AK1: variants seen among roughly 807,000 people sequenced by gnomAD.
AK1 encodes the protein adenylate kinase 1.
A neutral mutation model predicts 23.9 loss-of-function variants in AK1; 13 were observed. That is an observed-to-expected ratio of 0.54 (90% confidence interval 0.35 to 0.86). The LOEUF (loss-of-function observed/expected upper bound fraction) is 0.86. Among genes scored for constraint, AK1 ranks in the 40% least tolerant of loss-of-function variants. The pLI is 0.01. For missense variants in AK1, 214 were observed against 255.1 expected (o/e 0.84, Z 1.10); for synonymous variants, 97 against 102.8 (o/e 0.94, Z 0.34).
intron 5 of AK1, among the ~76,000 whole-genome samples, chr9:127,870,200 CTTTT>C (rs36059128): frequency 8.2e-6 from 1 of 122,298 alleles, no homozygotes; most frequent in African/African-American, 3.2e-5. Context: ...AGGGTGGGGA[CTTTT>C]TTTTTTTTTT....
intron 2 of AK1, chr9:127,873,517 C>T (rs1267469026): frequency 6.9e-7 from 1 of 1,444,128 alleles, no homozygotes; most frequent in Non-Finnish European, 9.1e-7. Context: ...GGCCCATCAC[C>T]CGCCTCCCCC....
At chr9:127,872,925 C>T in intron 3 of AK1, 72 bp from the exon 4 acceptor site, 4 of 1,612,946 alleles carry the variant, frequency 2.5e-6, no homozygotes, top group Non-Finnish European at 3.4e-6. Flanking sequence ...CCAGGGTCTC[C>T]CAGAGAGGGA....
Position 127,868,734 on chromosome 9 carries a change from T to C in AK1, c.325-222A>G, listed in dbSNP as rs1829310606. Among the ~76,000 whole-genome samples the C allele has an allele frequency of 6.6e-6, 1 of 152,164 alleles. No homozygotes were observed. The highest frequency in any genetic ancestry group is 1.5e-5 in the Non-Finnish European group (1 of 68,018). The stretch of plus-strand genomic sequence containing the variant: ...GCCCTCAGGAGAAAGTCCACACTAC[T>C]TGCCAGACTGAGAGAGCCTGACTCT... On this transcript the variant is annotated intron_variant, in intron 5 of 6. Transcript: ENST00000644144. The surrounding 1 kb of genome is among the most constrained non-coding windows in gnomAD (Gnocchi z 4.1).
chr9:127,874,060 A>AGCAGCT (rs1332377868), intron 2 of AK1: 21 of 985,338 alleles, frequency 2.1e-5, no homozygotes, highest in Non-Finnish European at 2.5e-5. Context: ...CAGCAGCAGC[A>AGCAGCT]GCAGGCCCGC....
chr9:127,873,874 TC>T (rs1397192211), intron 2 of AK1: 1 of 985,248 alleles, frequency 1.0e-6, no homozygotes, highest in Non-Finnish European at 1.2e-6. Flanking sequence ...TCTCTGGTTC[TC>T]TGCCCCTTCC....
rs959919544 is a variant in AK1, at chr9:127,871,468, C to T, written c.324+355G>A. Among the ~76,000 whole-genome samples the T allele has an allele frequency of 6.6e-6, 1 of 151,504 alleles. No individual in the cohort carries two copies. The highest frequency in any genetic ancestry group is 2.5e-5 in the African/African-American group (1 of 40,782). ...GGCCCACACTGGAAGGGCACATCCT[C>T]TCCAGTCCCCACACTGTCCCTTAAG... On this transcript the variant is annotated intron_variant, in intron 5 of 6. Coordinates refer to ENST00000644144, the MANE Select transcript of AK1 (RefSeq NM_000476.3). The surrounding 1 kb of genome is among the most constrained non-coding windows in gnomAD (Gnocchi z 4.4).
intron 2 of AK1, chr9:127,874,391 AG>A (rs1829490222): frequency 1.0e-6 from 1 of 985,246 alleles, no homozygotes. Flanking sequence ...TGGGGCCCTC[AG>A]GAGCCTTGGG....
At chr9:127,873,231 G>A (rs1463056413) in intron 2 of AK1, 170 bp from the exon 3 acceptor site, 2 of 1,536,970 alleles carry the variant, frequency 1.3e-6, no homozygotes, top group Non-Finnish European at 1.7e-6. Context: ...GGATGTGAGT[G>A]AGCTCGGAGC....
chr9:127,870,148 G>A (rs1039501297), intron 5 of AK1, among the ~76,000 whole-genome samples: 4 of 151,890 alleles, frequency 2.6e-5, no homozygotes, highest in Non-Finnish European at 5.9e-5. Context: ...TGGGACCAGG[G>A]CTGAGCCTGC....
chr9:127,875,090 G>T (rs1464551541), intron 1 of AK1: 1 of 243,634 alleles, frequency 4.1e-6, no homozygotes, highest in South Asian at 5.5e-5. Flanking sequence ...CAGGAGGTGG[G>T]AGGTGGCCAG....
In AK1 at chr9:127,867,519, C is replaced by T. The variant is rs993116378; in HGVS notation, c.*489G>A. 1.0e-5 allele frequency: 2 copies of T among 191,248 alleles called. No homozygotes were observed. The highest frequency in any genetic ancestry group is 2.7e-4 in the East Asian group (2 of 7,376). 11.8% of individuals were successfully genotyped at this position (191,248 alleles called of 1,614,324 possible). On this transcript the variant is annotated 3_prime_UTR_variant, in exon 7 of 7. Transcript: ENST00000644144. ...AGTCCAGGCCCCGGCAAGGGCCAGGCATGGAACATATGCTCAGAGCGATGG... is the reference window on the plus strand; with the variant it reads ...AGTCCAGGCCCCGGCAAGGGCCAGGTATGGAACATATGCTCAGAGCGATGG...
At chr9:127,875,625 G>T (rs1045333299) in intron 1 of AK1, among the ~76,000 whole-genome samples, 1 of 151,658 alleles carries the variant, frequency 6.6e-6, no homozygotes, top group Non-Finnish European at 1.5e-5. Flanking sequence ...TGTGCAGGCA[G>T]CCCAGGCCTT....
rs1039292711 is a variant in AK1, at chr9:127,871,291, A to G, written c.324+532T>C. ...GGCTCCTCATGACCCCTGGAAGGAG[A>G]CTGATGTCCCTTTATGGCATTTGCA... is the stretch of plus-strand genomic sequence containing the variant. On this transcript the variant is annotated intron_variant, in intron 5 of 6. Coordinates refer to ENST00000644144, the MANE Select transcript of AK1 (RefSeq NM_000476.3). The surrounding 1 kb of genome is among the most constrained non-coding windows in gnomAD (Gnocchi z 4.4). Among the ~76,000 whole-genome samples, 1 of 151,380 alleles carries G rather than the reference A, an allele frequency of 6.6e-6. No homozygotes were observed. Among genetic ancestry groups the G allele is most frequent in the Non-Finnish European group, 1.5e-5 (1 of 67,976 alleles).
intron 2 of AK1, chr9:127,874,068 C>A: frequency 1.0e-6 from 1 of 985,446 alleles, no homozygotes; most frequent in East Asian, 1.1e-4. Flanking sequence ...GCAGCAGGCC[C>A]GCTGGGTGTC....
At chr9:127,870,112 C>T (rs575249167) in intron 5 of AK1, among the ~76,000 whole-genome samples, 120 of 152,142 alleles carry the variant, frequency 7.9e-4, no homozygotes, top group African/African-American at 2.0e-3. Context: ...ACCAGCTGCC[C>T]GGACACCTGG....
chr9:127,878,934 G>A (rs1189359838), upstream of AK1, among the ~76,000 whole-genome samples: 2 of 152,098 alleles, frequency 1.3e-5, no homozygotes, highest in African/African-American at 2.4e-5. Flanking sequence ...CAAATGGACC[G>A]GGCATAATGG....
intron 1 of AK1, among the ~76,000 whole-genome samples, chr9:127,875,759 G>A (rs1232680931): frequency 1.3e-5 from 2 of 151,506 alleles, no homozygotes; most frequent in Non-Finnish European, 2.9e-5. Flanking sequence ...CACAGGCTGA[G>A]TCAGTGTGAA....
chr9:127,874,821 C>G (rs1010526946), intron 1 of AK1, 172 bp from the exon 2 acceptor site: 4 of 646,182 alleles, frequency 6.2e-6, no homozygotes, highest in Admixed American at 2.6e-5. Flanking sequence ...AGAAAGCCAC[C>G]TTGGGAAAGT....
intron 2 of AK1, 22 bp from the exon 3 acceptor site, chr9:127,873,083 C>T: frequency 6.2e-7 from 1 of 1,612,196 alleles, no homozygotes; most frequent in Non-Finnish European, 8.5e-7. Context: ...AAAAGGGGAG[C>T]AGGGCTCAGT....
Sources: gnomAD v4.1 joint callset for allele counts (sites outside exome capture counted in the v4.1 genomes callset) on GRCh38, gnomAD v4.1.1 for gene constraint, Gnocchi (gnomAD v3.1) non-coding constraint, MANE v1.5 for transcripts, NCBI Gene and HGNC (gene_info 2026-07-23, HGNC 2026-07-21) for gene names.